Variants in RPL37 observed in about 807,000 individuals in gnomAD.
RPL37 encodes large ribosomal subunit protein eL37.
In RPL37, 1 loss-of-function variant was observed where a neutral mutation model predicts 14.8. The observed-to-expected ratio is 0.07, with a 90% CI of 0.02 to 0.32. The LOEUF is 0.32. Among genes scored for constraint, RPL37 ranks in the 10% least tolerant of loss-of-function variants. RPL37 has a pLI of 1.00. For missense variants in RPL37, 100 were observed against 128.3 expected, an observed-to-expected ratio of 0.78 and a Z score of 1.06; for synonymous variants, 53 against 45.8, an observed-to-expected ratio of 1.16 and a Z score of -0.63.
In RPL37 at chr5:40,830,351, A is replaced by T. The variant is rs930167087; in HGVS notation, c.*2153T>A. 2.0e-5 allele frequency: 3 copies of T among 152,296 alleles called. No homozygotes were observed. The highest frequency in any genetic ancestry group is 6.5e-5 in the Admixed American group (1 of 15,276). 9.4% of individuals were successfully genotyped at this position (152,296 alleles called of 1,614,324 possible). A position where few individuals can be genotyped will look rare whatever the true frequency, so the allele number is the denominator to read the frequency against. ...GTGGGGTGTGGTGGCTCGTCCCTGT[A>T]ATCCCAGCACTTTGGGAGGCCAAGA... On this transcript the variant is annotated 3_prime_UTR_variant, in exon 4 of 4. Coordinates refer to ENST00000274242, the MANE Select transcript of RPL37 (RefSeq NM_000997.5).
chr5:40,832,672 AT>A (rs1476179258), intron 3 of RPL37, 99 bp from the exon 4 acceptor site: 3 of 888,302 alleles, frequency 3.4e-6, no homozygotes, highest in Non-Finnish European at 5.8e-6. Context: ...TCTCAGTTAA[AT>A]GCTGAAATCA....
intron 2 of RPL37, 49 bp downstream of exon 2, chr5:40,834,422 T>C (rs969625942): frequency 3.1e-6 from 5 of 1,601,834 alleles, no homozygotes; most frequent in Non-Finnish European, 2.6e-6. Context: ...CCCACTTAAG[T>C]GCAATACAAA....
chr5:40,834,962 A>G lies in RPL37; in HGVS notation c.3+221T>C, dbSNP rs1017326629. The G allele has an allele frequency of 1.2e-5, 8 of 656,066 alleles. No homozygotes were observed. The Admixed American group carries it at 2.1e-4, about 17-fold the overall frequency. The allele number at this position is 656,066 out of a possible 1,614,324, so 40.6% of individuals were successfully genotyped here. A position where few individuals can be genotyped will look rare whatever the true frequency, so the allele number is the denominator to read the frequency against. On this transcript the variant is annotated intron_variant, in intron 1 of 3. Coordinates refer to ENST00000274242, the MANE Select transcript of RPL37 (RefSeq NM_000997.5). ...AGGTCTCCAAAGGTTGGACCGAGGC[A>G]AAGGACACAATGCGGCTCTAGCACC...
At position 40,829,300 on chromosome 5, in the gene RPL37, T is replaced by A. The variant is rs1452704210; in HGVS notation, c.*3204A>T. The A allele has an allele frequency of 6.6e-6, 1 of 152,256 alleles. No homozygotes were observed. Among genetic ancestry groups the A allele is most frequent in the African/African-American group, 2.4e-5 (1 of 41,462 alleles). 9.4% of individuals were successfully genotyped at this position (152,256 alleles called of 1,614,324 possible). On this transcript the variant is annotated 3_prime_UTR_variant, in exon 4 of 4. Transcript: ENST00000274242. ...AGACTCATCACATGCACACTAACACTTTCCACATTCATCTTGCTAGAATAA... is the reference window on the plus strand; with the variant it reads ...AGACTCATCACATGCACACTAACACATTCCACATTCATCTTGCTAGAATAA...
chr5:40,828,372 T>G lies in RPL37; in HGVS notation c.*4132A>C, dbSNP rs1205742342. On this transcript the variant is annotated 3_prime_UTR_variant, in exon 4 of 4. Coordinates refer to ENST00000274242, the MANE Select transcript of RPL37 (RefSeq NM_000997.5). ...ATTGAAATCTGTCAGGGCAGGGTCT[T>G]TGTTTTGTTTTCCACTTAAAAGTTT... 4 of 152,188 alleles carry G rather than the reference T, an allele frequency of 2.6e-5. No homozygotes were observed. Among genetic ancestry groups the G allele is most frequent in the Admixed American group, 6.5e-5 (1 of 15,284 alleles). 9.4% of individuals were successfully genotyped at this position (152,188 alleles called of 1,614,324 possible). A position where few individuals can be genotyped will look rare whatever the true frequency, so the allele number is the denominator to read the frequency against.
At chr5:40,833,960 CCTGAGGCTGGGGAGA>C (rs1745700236) in intron 3 of RPL37, 2 of 536,164 alleles carry the variant, frequency 3.7e-6, no homozygotes, top group African/African-American at 1.9e-5. Flanking sequence ...GATGAGATTA[CCTGAGGCTGGGGAGA>C]CTGAGGCTGC....
rs1745628694 is a variant in RPL37, at chr5:40,830,952, A to G, written c.*1552T>C. 1 of 150,292 alleles carries G rather than the reference A, an allele frequency of 6.7e-6. No homozygotes were observed. Among genetic ancestry groups the G allele is most frequent in the Admixed American group, 6.6e-5 (1 of 15,038 alleles). The allele number at this position is 150,292 out of a possible 1,614,324, so 9.3% of individuals were successfully genotyped here. ...TTCAACAGACTATCTTCACTTGAAAATTTGATGATGACAGCCGGGAGTGGT... is the reference window on the plus strand; with the variant it reads ...TTCAACAGACTATCTTCACTTGAAAGTTTGATGATGACAGCCGGGAGTGGT... On this transcript the variant is annotated 3_prime_UTR_variant, in exon 4 of 4. Transcript: ENST00000274242.
At chr5:40,833,260 A>G (rs536879615) in intron 3 of RPL37, among the ~76,000 whole-genome samples, 218 of 152,328 alleles carry the variant, frequency 1.4e-3, no homozygotes, top group African/African-American at 5.1e-3. Context: ...GGTAGAGGCT[A>G]GGGATTCTGC....
chr5:40,834,303 C>T (rs750846786), intron 2 of RPL37, 38 bp from the exon 3 acceptor site: 25 of 1,586,868 alleles, frequency 1.6e-5, no homozygotes, highest in East Asian at 2.2e-5. Flanking sequence ...AAACGGTGTT[C>T]TCCCACACAC....
At chr5:40,834,349 C>A (rs555638210) in intron 2 of RPL37, 84 bp from the exon 3 acceptor site, 10 of 1,553,384 alleles carry the variant, frequency 6.4e-6, no homozygotes, top group Non-Finnish European at 8.9e-6. Context: ...TTTTATGCCA[C>A]CTCATCGGCA....
chr5:40,835,123 CAG>C (rs1561209630), intron 1 of RPL37, 58 bp downstream of exon 1: 12 of 1,611,894 alleles, frequency 7.4e-6, no homozygotes, highest in Non-Finnish European at 1.0e-5. Context: ...GCACAGCAAA[CAG>C]AGAGGCACAA....
rs1745666383 is a variant in RPL37 at position 40,832,583 on chromosome 5, G to T, written c.225-10C>A. ...TTCACGGAATCCATGCCTGCAGGAT[G>T]TCAAAAACAAGAACAAGTTACTTCA... On this transcript the variant is annotated splice_polypyrimidine_tract_variant and intron_variant, in intron 3 of 3. Transcript: ENST00000274242. The T allele has an allele frequency of 4.3e-6, 7 of 1,612,096 alleles. No homozygotes were observed. The highest frequency in any genetic ancestry group is 5.1e-6 in the Non-Finnish European group (6 of 1,178,168).
chr5:40,834,741 G>C, intron 1 of RPL37, 135 bp from the exon 2 acceptor site: 1 of 1,009,372 alleles, frequency 9.9e-7, no homozygotes, highest in Non-Finnish European at 1.4e-6. Flanking sequence ...CTCTTTCCAC[G>C]AATGCCAAGT....
In RPL37 at chr5:40,830,628, C is replaced by T. The variant is rs762851989; in HGVS notation, c.*1876G>A. The stretch of plus-strand genomic sequence containing the variant: ...TCTCCTGCCTCAGCCTCTCAAGTAG[C>T]TAAGACTACAGGCACATGCCACCAC... On this transcript the variant is annotated 3_prime_UTR_variant, in exon 4 of 4. Coordinates refer to ENST00000274242, the MANE Select transcript of RPL37 (RefSeq NM_000997.5). 2.0e-5 allele frequency: 3 copies of T among 152,876 alleles called. No individual in the cohort carries two copies. Among genetic ancestry groups the T allele is most frequent in the Non-Finnish European group, 4.4e-5 (3 of 68,854 alleles). 9.5% of individuals were successfully genotyped at this position (152,876 alleles called of 1,614,324 possible).
At chr5:40,834,793 G>GC (rs1185990031) in intron 1 of RPL37, among the ~76,000 whole-genome samples, 187 bp from the exon 2 acceptor site, 1 of 152,148 alleles carries the variant, frequency 6.6e-6, no homozygotes, top group African/African-American at 2.4e-5. Context: ...AAAACCCTCC[G>GC]CAAGAGTTGC....
Position 40,835,125 on chromosome 5 carries a change from G to C in RPL37, c.3+58C>G, listed in dbSNP as rs1011058008. The C allele has an allele frequency of 4.3e-6, 7 of 1,612,506 alleles. No homozygotes were observed. The East Asian group carries it at 8.9e-5, about 21-fold the overall frequency. On this transcript the variant is annotated intron_variant, in intron 1 of 3. Transcript: ENST00000274242. Reference sequence around the variant, plus strand: ...GCCAGCCCCCCAAGCACAGCAAACAGAGAGGCACAAAGGACGAGGATGGAA... The same window carrying C: ...GCCAGCCCCCCAAGCACAGCAAACACAGAGGCACAAAGGACGAGGATGGAA...
In RPL37 at chr5:40,826,206, G is replaced by A. The variant is rs954120389; in HGVS notation, c.*6298C>T. 9.2e-5 allele frequency: 14 copies of A among 152,258 alleles called. No individual in the cohort carries two copies. The highest frequency in any genetic ancestry group is 1.4e-4 in the African/African-American group (6 of 41,544). 9.4% of individuals were successfully genotyped at this position (152,258 alleles called of 1,614,324 possible). Reference sequence around the variant, plus strand: ...AAAATACTTTTTACATTTGCTAGATGTTTATTTGCAGAGCTACATAAATAT... The same window carrying A: ...AAAATACTTTTTACATTTGCTAGATATTTATTTGCAGAGCTACATAAATAT... On this transcript the variant is annotated 3_prime_UTR_variant, in exon 4 of 4. Transcript: ENST00000274242.
rs754372464 is a variant in RPL37 at position 40,825,294 on chromosome 5, C to G, written c.*7210G>C. 1 of 152,172 alleles carries G rather than the reference C, an allele frequency of 6.6e-6. No individual in the cohort carries two copies. The highest frequency in any genetic ancestry group is 1.5e-5 in the Non-Finnish European group (1 of 68,028). The allele number at this position is 152,172 out of a possible 1,614,324, so 9.4% of individuals were successfully genotyped here. ...GTACAATATCTTTATTAAAGAAATGCATTCCAGCAACACTGTCAGCATCTT... is the reference window on the plus strand; with the variant it reads ...GTACAATATCTTTATTAAAGAAATGGATTCCAGCAACACTGTCAGCATCTT... On this transcript the variant is annotated 3_prime_UTR_variant, in exon 4 of 4. Coordinates refer to ENST00000274242, the MANE Select transcript of RPL37 (RefSeq NM_000997.5).
chr5:40,835,040 G>T (rs1350289313), intron 1 of RPL37, 143 bp downstream of exon 1: 18 of 1,095,536 alleles, frequency 1.6e-5, no homozygotes, highest in Admixed American at 2.0e-5. Context: ...CATTCTTCTG[G>T]CTCTTGAGGG....
Sources: allele counts gnomAD v4.1 joint callset (sites outside exome capture counted in the v4.1 genomes callset), GRCh38; gene constraint gnomAD v4.1.1; transcripts MANE v1.5; gene names NCBI Gene and HGNC (gene_info 2026-07-23, HGNC 2026-07-21).